Variants in ATP2B2 observed in about 807,000 individuals in gnomAD.
ATP2B2 encodes the protein plasma membrane calcium-transporting ATPase 2.
In ATP2B2, 15 loss-of-function variants were observed where a neutral mutation model predicts 120.0. That is an observed-to-expected ratio of 0.12 (90% CI 0.08 to 0.19). The LOEUF is 0.19. ATP2B2 is among the 10% of genes least tolerant of loss of function. The pLI is 1.00. For missense variants in ATP2B2, 1,045 were observed against 1,719.8 expected, an observed-to-expected ratio of 0.61 and a Z score of 6.94; for synonymous variants, 694 against 700.3, an observed-to-expected ratio of 0.99 and a Z score of 0.14.
At chr3:10,507,946 G>A (rs1417892208), upstream of ATP2B2, among the ~76,000 whole-genome samples, 1 of 116,698 alleles carries the variant, frequency 8.6e-6, no homozygotes, top group African/African-American at 2.9e-5. Context: ...GCCATCATGA[G>A]TGTGGGCTCA....
chr3:10,375,395 A>G lies in ATP2B2; in HGVS notation c.1416+35T>C, dbSNP rs578019254. On this transcript the variant is annotated intron_variant, in intron 11 of 22. Transcript: ENST00000360273. This position sits in a 1 kb window ranked among gnomAD's most constrained non-coding sequence, Gnocchi z 4.2. The stretch of plus-strand genomic sequence containing the variant: ...CCCCCAGGCCCTCAGCTGCAGCTGC[A>G]TCAGCCGGCTGGTCCTGCTCTCCTC... 4 of 1,566,698 alleles carry G rather than the reference A, an allele frequency of 2.6e-6. No homozygotes were observed. The African/African-American group carries it at 5.4e-5, about 21-fold the overall frequency.
chr3:10,483,039 G>C (rs1229707214), intron 1 of ATP2B2, among the ~76,000 whole-genome samples: 1 of 152,200 alleles, frequency 6.6e-6, no homozygotes, highest in Non-Finnish European at 1.5e-5. Flanking sequence ...TACCCAACGT[G>C]ACACAGCTCA....
chr3:10,360,257 T>C (rs2060859226), intron 12 of ATP2B2, 134 bp from the exon 13 acceptor site: 2 of 1,427,902 alleles, frequency 1.4e-6, no homozygotes, highest in African/African-American at 1.4e-5. Flanking sequence ...AGGGAGCCCT[T>C]GGCCCATCCC....
chr3:10,504,089 T>C (rs1455453212), intron 1 of ATP2B2, among the ~76,000 whole-genome samples: 3 of 152,204 alleles, frequency 2.0e-5, no homozygotes, highest in Non-Finnish European at 2.9e-5. Flanking sequence ...TTTGTGGGCA[T>C]GCATATGCCC....
intron 2 of ATP2B2, among the ~76,000 whole-genome samples, chr3:10,599,401 C>CT (rs2068845814): frequency 6.6e-6 from 1 of 152,208 alleles, no homozygotes; most frequent in African/African-American, 2.4e-5. Context: ...CTCCTCTTCA[C>CT]TAGGAAGCTT....
At chr3:10,655,960 C>T (rs778082429) in intron 1 of ATP2B2, among the ~76,000 whole-genome samples, 1 of 152,210 alleles carries the variant, frequency 6.6e-6, no homozygotes, top group Non-Finnish European at 1.5e-5. Context: ...GAGGACAAAA[C>T]GTTTCTTCTC....
intron 2 of ATP2B2, among the ~76,000 whole-genome samples, chr3:10,611,035 GAGAA>G (rs1195965385): frequency 6.6e-6 from 1 of 152,198 alleles, no homozygotes; most frequent in Non-Finnish European, 1.5e-5. Context: ...TTTCACAGAT[GAGAA>G]ACCAGAACCT....
At position 10,328,856 on chromosome 3, in the gene ATP2B2, T is replaced by G; in HGVS notation, c.3690A>C (p.Ser1230=). 1 of 1,613,500 alleles carries G rather than the reference T, an allele frequency of 6.2e-7. No individual in the cohort carries two copies. Among genetic ancestry groups the G allele is most frequent in the Non-Finnish European group, 8.5e-7 (1 of 1,179,690 alleles). ...GGCTGTGGATGGGGCTCCCTGGACTTGAAGAGGTAGCTGATTTGCTTGTGT... is the reference window on the plus strand; with the variant it reads ...GGCTGTGGATGGGGCTCCCTGGACTGGAAGAGGTAGCTGATTTGCTTGTGT... ...TTDTSKSATS[S]SPGSPIHSLE... The change falls in exon 23 of 23, where the codon TCA becomes TCC. Residue 1230 remains serine (S), a synonymous_variant. Transcript: ENST00000360273.
rs143520464 is a variant in ATP2B2 at position 10,327,539 on chromosome 3, TA to T, written c.*1274del. ...GGAAACAAACCTGTAAGTTACTAAA[TA>T]AAAAAAAAAATCAACACAATACCAT... On this transcript the variant is annotated 3_prime_UTR_variant, in exon 23 of 23. Transcript: ENST00000360273. 5.5e-3 allele frequency: 818 copies of T among 148,418 alleles called. 5 individuals are homozygous for T. Among genetic ancestry groups the T allele is most frequent in the African/African-American group, 0.015 (618 of 40,614 alleles). 9.2% of individuals were successfully genotyped at this position (148,418 alleles called of 1,614,324 possible).
At chr3:10,498,787 C>A (rs79702328) in intron 1 of ATP2B2, among the ~76,000 whole-genome samples, 3,271 of 152,288 alleles carry the variant, frequency 0.021, 51 homozygotes, top group East Asian at 0.085. Flanking sequence ...CTCCCATAGG[C>A]TCCACCAATC....
chr3:10,589,820 T>A (rs1488470763), intron 2 of ATP2B2, among the ~76,000 whole-genome samples: 2 of 152,220 alleles, frequency 1.3e-5, no homozygotes, highest in Non-Finnish European at 2.9e-5. Flanking sequence ...GGAGCTCTCA[T>A]CTGCTGCTGG....
chr3:10,650,466 A>G (rs2070427744), intron 1 of ATP2B2, among the ~76,000 whole-genome samples: 1 of 152,260 alleles, frequency 6.6e-6, no homozygotes. Flanking sequence ...AACAGAGGAC[A>G]AAAGTTTGGA....
At chr3:10,690,144 T>G (rs1287635835) in intron 1 of ATP2B2, among the ~76,000 whole-genome samples, 1 of 152,250 alleles carries the variant, frequency 6.6e-6, no homozygotes, top group African/African-American at 2.4e-5. Flanking sequence ...TTCTTTGTTT[T>G]GAAAGGGCAA....
intron 1 of ATP2B2, among the ~76,000 whole-genome samples, chr3:10,483,701 G>A (rs1057189812): frequency 2.0e-5 from 3 of 152,214 alleles, no homozygotes; most frequent in East Asian, 1.9e-4. Flanking sequence ...GGCCACGGGA[G>A]GTTTTAATAA....
rs1205928015 is a variant in ATP2B2, at chr3:10,329,249, T to A, written c.3421-124A>T. On this transcript the variant is annotated intron_variant, in intron 22 of 22. Coordinates refer to ENST00000360273, the MANE Select transcript of ATP2B2 (RefSeq NM_001001331.4). This position sits in a 1 kb window ranked among gnomAD's most constrained non-coding sequence, Gnocchi z 5.9. ...GCAGGTGGCTGGAATCCATAGTCGC[T>A]GGGTGTTATTAGCATTGACAGGATG... The A allele has an allele frequency of 1.6e-5, 15 of 948,856 alleles. 1 individual carries two copies. The highest frequency in any genetic ancestry group is 2.2e-5 in the Non-Finnish European group (13 of 597,124). 58.8% of individuals were successfully genotyped at this position (948,856 alleles called of 1,614,324 possible).
At chr3:10,625,013 G>T (rs2069656408) in intron 1 of ATP2B2, among the ~76,000 whole-genome samples, 1 of 152,258 alleles carries the variant, frequency 6.6e-6, no homozygotes, top group Non-Finnish European at 1.5e-5. Context: ...GGCAGCTTTG[G>T]TATTTCAAAT....
intron 1 of ATP2B2, among the ~76,000 whole-genome samples, chr3:10,498,134 G>A (rs2066230383): frequency 6.6e-6 from 1 of 152,202 alleles, no homozygotes; most frequent in South Asian, 2.1e-4. Context: ...TGTATATCTT[G>A]GAATCCGCAC....
At chr3:10,396,124 C>A (rs983535353) in intron 5 of ATP2B2, among the ~76,000 whole-genome samples, 33 of 152,226 alleles carry the variant, frequency 2.2e-4, no homozygotes, top group African/African-American at 7.5e-4. Context: ...TTCTGAGGGG[C>A]AGAGGCCACA....
chr3:10,665,486 G>A (rs2125685042), intron 1 of ATP2B2, among the ~76,000 whole-genome samples: 1 of 152,198 alleles, frequency 6.6e-6, no homozygotes, highest in African/African-American at 2.4e-5. Context: ...TAACTGTGGG[G>A]TTCCTGGAAT....
Sources: allele counts gnomAD v4.1 joint callset (sites outside exome capture counted in the v4.1 genomes callset), GRCh38; gene constraint gnomAD v4.1.1; non-coding constraint Gnocchi (gnomAD v3.1); transcripts MANE v1.5; gene names NCBI Gene and HGNC (gene_info 2026-07-23, HGNC 2026-07-21).